Variants in PKP4 observed in about 807,000 individuals in gnomAD.
PKP4 encodes the protein plakophilin 4.
PKP4 carries 90 observed loss-of-function variants against 145.1 expected under a neutral mutation model. The ratio of observed to expected loss-of-function variants is 0.62; its 90% CI spans 0.52 to 0.74. The LOEUF (loss-of-function observed/expected upper bound fraction) is 0.74, where lower values mean the gene tolerates loss of function less well. PKP4 is among the 30% of genes least tolerant of loss of function. The pLI is 0.00. For missense variants in PKP4, 1,340 were observed against 1,482.7 expected (o/e 0.90, Z 1.58); for synonymous variants, 563 against 577.2 (o/e 0.98, Z 0.35).
chr2:158,653,366 A>G (rs187665676), intron 11 of PKP4, among the ~76,000 whole-genome samples: 2 of 152,344 alleles, frequency 1.3e-5, no homozygotes, highest in South Asian at 2.1e-4. Flanking sequence ...GAATAGCTAT[A>G]AAGTTAGTTT....
rs953792033 is a variant in PKP4, at chr2:158,660,983, C to T, written c.2094-350C>T. 7.8e-5 allele frequency: 13 copies of T among 166,168 alleles called. No individual in the cohort carries two copies. The South Asian group carries it at 1.7e-3, about 22-fold the overall frequency. The allele number at this position is 166,168 out of a possible 1,614,324, so 10.3% of individuals were successfully genotyped here. On this transcript the variant is annotated intron_variant, in intron 12 of 21. Transcript: ENST00000389759. ...TCTAATTGCTTTCTATGTAGCAACT[C>T]GTTTCTTCTTCACAGCAACCCTGTG...
intron 4 of PKP4, among the ~76,000 whole-genome samples, chr2:158,620,002 G>T (rs1009776593): frequency 6.6e-6 from 1 of 152,080 alleles, no homozygotes; most frequent in Non-Finnish European, 1.5e-5. Flanking sequence ...ATGTAATAGG[G>T]CCCAGAGGGA....
In PKP4 at chr2:158,641,235, G is replaced by A. The variant is rs182847123; in HGVS notation, c.1695+476G>A. Among the ~76,000 whole-genome samples the A allele has an allele frequency of 4.8e-3, 730 of 152,170 alleles. 2 individuals are homozygous for A. The highest frequency in any genetic ancestry group is 0.016 in the African/African-American group (666 of 41,498). ...GGCCTGTAATCCCCGCTACTCAGAA[G>A]GCTGAGGCGGGAGAATCACTTGAAC... On this transcript the variant is annotated intron_variant, in intron 10 of 21. Coordinates refer to ENST00000389759, the MANE Select transcript of PKP4 (RefSeq NM_003628.6).
At chr2:158,467,378 T>G (rs1401369601) in intron 1 of PKP4, among the ~76,000 whole-genome samples, 1 of 152,140 alleles carries the variant, frequency 6.6e-6, no homozygotes. Flanking sequence ...CCATTCATTT[T>G]TCATTACAAC....
At chr2:158,654,547 C>T in intron 11 of PKP4, among the ~76,000 whole-genome samples, 1 of 152,086 alleles carries the variant, frequency 6.6e-6, no homozygotes, top group East Asian at 1.9e-4. Flanking sequence ...GGGATTCTGG[C>T]ATGTTGGTGT....
Position 158,676,849 on chromosome 2 carries a change from CAT to C in PKP4, c.3240_3241del (p.His1080GlnfsTer27). 1 of 1,614,064 alleles carries C rather than the reference CAT, an allele frequency of 6.2e-7. No homozygotes were observed. The highest frequency in any genetic ancestry group is 8.5e-7 in the Non-Finnish European group (1 of 1,180,018). On this transcript the variant is annotated frameshift_variant, in exon 20 of 22. Transcript: ENST00000389759. LOFTEE classifies it high-confidence loss of function. ...QYYNSQGDAT[H>X]KGLYPGSSKP... Reference sequence around the variant, plus strand: ...TTACAATAGCCAAGGGGATGCCACACATAAAGGCCTGTACCCTGGTAAGACGC... The same window carrying C: ...TTACAATAGCCAAGGGGATGCCACACAAAGGCCTGTACCCTGGTAAGACGC...
chr2:158,464,358 G>C (rs1363625553), intron 1 of PKP4, among the ~76,000 whole-genome samples: 2 of 152,176 alleles, frequency 1.3e-5, no homozygotes, highest in African/African-American at 2.4e-5. Flanking sequence ...AATTGTGGCA[G>C]ATTTCATGAG....
intron 1 of PKP4, among the ~76,000 whole-genome samples, chr2:158,465,065 G>A (rs1690392437): frequency 6.6e-6 from 1 of 152,200 alleles, no homozygotes; most frequent in Non-Finnish European, 1.5e-5. Flanking sequence ...TACTGTCTGT[G>A]TTAGATTCAG....
chr2:158,491,637 C>T (rs1344551009), intron 1 of PKP4, among the ~76,000 whole-genome samples: 6 of 151,950 alleles, frequency 3.9e-5, no homozygotes, highest in Non-Finnish European at 7.4e-5. Flanking sequence ...TAATATCCCA[C>T]TTGTCTGTAA....
chr2:158,662,792 T>C, intron 13 of PKP4, 105 bp from the exon 14 acceptor site: 1 of 792,282 alleles, frequency 1.3e-6, no homozygotes, highest in Non-Finnish European at 1.9e-6. Flanking sequence ...TAAAAAGTAG[T>C]TCTTTCATAT....
At chr2:158,581,296 G>A (rs1192880711) in intron 3 of PKP4, among the ~76,000 whole-genome samples, 1 of 152,092 alleles carries the variant, frequency 6.6e-6, no homozygotes, top group Admixed American at 6.5e-5. Context: ...GATTCAGTTC[G>A]TTCTTGCATG....
intron 10 of PKP4, 34 bp from the exon 11 acceptor site, chr2:158,642,452 A>G (rs2054381203): frequency 1.4e-6 from 2 of 1,474,896 alleles, no homozygotes; most frequent in African/African-American, 1.4e-5. Flanking sequence ...ATTGCATGTT[A>G]CTTAGGCCTG....
intron 1 of PKP4, among the ~76,000 whole-genome samples, chr2:158,522,102 A>G (rs1034595386): frequency 1.3e-5 from 2 of 152,236 alleles, no homozygotes; most frequent in Non-Finnish European, 2.9e-5. Context: ...AAGGAAAAAT[A>G]ACTGGAGTCC....
chr2:158,670,032 A>G, intron 17 of PKP4, 117 bp downstream of exon 17: 2 of 802,436 alleles, frequency 2.5e-6, no homozygotes, highest in South Asian at 4.3e-5. Flanking sequence ...CATTTCTTAC[A>G]TGCCGATAAG....
chr2:158,642,090 T>A (rs899024157), intron 10 of PKP4, among the ~76,000 whole-genome samples: 6 of 152,294 alleles, frequency 3.9e-5, no homozygotes, highest in African/African-American at 7.2e-5. Flanking sequence ...GGTGCAATCT[T>A]GGCTCACTGC....
chr2:158,461,044 G>A (rs73966671), intron 1 of PKP4, among the ~76,000 whole-genome samples: 4,982 of 152,312 alleles, frequency 0.033, 186 homozygotes, highest in East Asian at 0.14. Flanking sequence ...CAGCAGGTCA[G>A]TTCGATGCTC....
intron 1 of PKP4, among the ~76,000 whole-genome samples, chr2:158,516,529 G>A (rs937322942): frequency 2.6e-5 from 4 of 151,976 alleles, no homozygotes; most frequent in African/African-American, 4.8e-5. Context: ...ATGATTGGCC[G>A]AACAGCCCCG....
chr2:158,560,246 C>G (rs1363663664), intron 2 of PKP4, among the ~76,000 whole-genome samples: 1 of 152,100 alleles, frequency 6.6e-6, no homozygotes, highest in Non-Finnish European at 1.5e-5. Flanking sequence ...GTAAGAGTGC[C>G]TAATTTGTGT....
intron 1 of PKP4, among the ~76,000 whole-genome samples, chr2:158,474,144 A>T (rs985899135): frequency 1.3e-5 from 2 of 152,222 alleles, no homozygotes; most frequent in Non-Finnish European, 2.9e-5. Context: ...TTTTAACAGA[A>T]GCTACTCGAC....
Sources: allele counts gnomAD v4.1 joint callset (sites outside exome capture counted in the v4.1 genomes callset), GRCh38; gene constraint gnomAD v4.1.1; transcripts MANE v1.5; gene names NCBI Gene and HGNC (gene_info 2026-07-23, HGNC 2026-07-21).